The following DLG5 variants were observed in gnomAD, a reference collection of about 807,000 sequenced individuals.
DLG5 encodes the protein discs large MAGUK scaffold protein 5, also known as disks large homolog 5.
In DLG5, 48 loss-of-function variants were observed where a neutral mutation model predicts 189.8. That is an observed-to-expected ratio of 0.25 (90% confidence interval 0.20 to 0.32). The LOEUF is 0.32. DLG5 is among the 10% of genes least tolerant of loss of function. The probability of loss-of-function intolerance (pLI) is 1.00; values close to 1 mark genes in which losing one functional copy is unlikely to be tolerated. For synonymous variants in DLG5, 1,016 were observed against 1,054.1 expected (o/e 0.96, Z 0.70); for missense variants, 2,160 against 2,544.7 (o/e 0.85, Z 3.25).
At chr10:77,804,894 T>C (rs543000836) in intron 27 of DLG5, among the ~76,000 whole-genome samples, 2 of 152,292 alleles carry the variant, frequency 1.3e-5, no homozygotes, top group East Asian at 1.9e-4. Context: ...GCCTACCCAA[T>C]AGCTATCCCT....
intron 29 of DLG5, 143 bp downstream of exon 29, chr10:77,795,918 C>T: frequency 8.0e-7 from 1 of 1,249,368 alleles, no homozygotes; most frequent in Admixed American, 1.9e-5. Context: ...AGCCCAGGCA[C>T]AGGTGAACTC....
chr10:77,925,404 G>A (rs1846654399), intron 1 of DLG5, among the ~76,000 whole-genome samples: 1 of 152,150 alleles, frequency 6.6e-6, no homozygotes. Context: ...TCCACGGCCA[G>A]GCCAGGACAA....
At position 77,812,333 on chromosome 10, in the gene DLG5, G is replaced by A; in HGVS notation, c.4070C>T (p.Ser1357Leu). The A allele has an allele frequency of 6.2e-7, 1 of 1,614,146 alleles. No individual in the cohort carries two copies. The highest frequency in any genetic ancestry group is 8.5e-7 in the Non-Finnish European group (1 of 1,179,996). Residue 1357 changes from serine (S) to leucine (L), a missense_variant, in exon 21 of 32, where the codon TCA becomes TTA. Transcript: ENST00000372391. ...EPRHVKVQKG[S>L]EPLGISIVSG... ...CACGATGGAGATGCCCAGCGGCTCT[G>A]AGCCCTTCTGCACCTTCACGTGGCG...
chr10:77,927,060 C>CGGCCGCCACCCGCTCCCCCGT (rs1846724543), upstream of DLG5: 2 of 220,474 alleles, frequency 9.1e-6, no homozygotes, highest in African/African-American at 4.8e-5. Flanking sequence ...CGGGGCCCCG[C>CGGCCGCCACCCGCTCCCCCGT]GGCCGCCACC....
In DLG5 at chr10:77,835,733, C is replaced by T; in HGVS notation, c.1622+5G>A. On this transcript the variant is annotated splice_donor_5th_base_variant and intron_variant, in intron 8 of 31. Coordinates refer to ENST00000372391, the MANE Select transcript of DLG5 (RefSeq NM_004747.4). ...AGCCCACGCCAGCTTGAGGTCACCC[C>T]ATACCGGATGCTGTCACGCTCTGCT... 5.0e-6 allele frequency: 8 copies of T among 1,607,920 alleles called. No homozygotes were observed. Among genetic ancestry groups the T allele is most frequent in the Non-Finnish European group, 6.8e-6 (8 of 1,178,242 alleles).
intron 1 of DLG5, among the ~76,000 whole-genome samples, chr10:77,925,666 C>T (rs1846663419): frequency 6.6e-6 from 1 of 152,166 alleles, no homozygotes; most frequent in Non-Finnish European, 1.5e-5. Context: ...TCCAAAGAAA[C>T]CCAGGCAGGC....
intron 2 of DLG5, chr10:77,868,425 A>G (rs940287799): frequency 3.4e-6 from 1 of 290,324 alleles, no homozygotes; most frequent in Non-Finnish European, 6.8e-6. Flanking sequence ...GACTAGTTCT[A>G]GAATCTCAGG....
At chr10:77,849,070 C>T (rs1175976018) in intron 5 of DLG5, among the ~76,000 whole-genome samples, 1 of 152,194 alleles carries the variant, frequency 6.6e-6, no homozygotes, top group African/African-American at 2.4e-5. Flanking sequence ...GGATGCCAGG[C>T]AGAGGCCCTC....
the DLG5 span, among the ~76,000 whole-genome samples, chr10:77,933,268 G>T: frequency 1.3e-5 from 2 of 151,452 alleles, no homozygotes; most frequent in African/African-American, 4.8e-5. Flanking sequence ...TTTTTGTTTG[G>T]GTTTTTGTTT....
At chr10:77,908,219 C>T (rs1175351006) in intron 1 of DLG5, among the ~76,000 whole-genome samples, 1 of 152,226 alleles carries the variant, frequency 6.6e-6, no homozygotes, top group Non-Finnish European at 1.5e-5. Flanking sequence ...TTCCAAACAT[C>T]CCCACTGTAA....
chr10:77,814,858 G>A (rs775646098), intron 20 of DLG5, among the ~76,000 whole-genome samples: 1 of 151,960 alleles, frequency 6.6e-6, no homozygotes, highest in African/African-American at 2.4e-5. Context: ...CACAGCACTC[G>A]GCCTTCTTTC....
intron 1 of DLG5, among the ~76,000 whole-genome samples, chr10:77,901,763 C>T (rs1321318760): frequency 6.6e-6 from 1 of 152,200 alleles, no homozygotes; most frequent in Non-Finnish European, 1.5e-5. Context: ...CCTGAGCCAA[C>T]AGCACCCGGC....
intron 1 of DLG5, among the ~76,000 whole-genome samples, chr10:77,875,510 GAGA>G (rs59479695): frequency 0.27 from 41,700 of 151,816 alleles, 6,349 homozygotes; most frequent in Non-Finnish European, 0.35. Flanking sequence ...TGGGAAGAAA[GAGA>G]AGGAGCTGTG....
intron 2 of DLG5, among the ~76,000 whole-genome samples, chr10:77,864,174 G>A (rs920286814): frequency 5.3e-5 from 8 of 152,006 alleles, no homozygotes; most frequent in African/African-American, 1.2e-4. Context: ...CTCAGCCACC[G>A]CCCTTTGTCC....
intron 1 of DLG5, among the ~76,000 whole-genome samples, chr10:77,880,187 C>T (rs1046959878): frequency 6.6e-6 from 1 of 152,142 alleles, no homozygotes; most frequent in Non-Finnish European, 1.5e-5. Flanking sequence ...GGTGCAGTGG[C>T]TCACACCTGT....
the DLG5 span, among the ~76,000 whole-genome samples, chr10:77,934,899 C>G: frequency 6.8e-6 from 1 of 146,136 alleles, no homozygotes; most frequent in Non-Finnish European, 1.5e-5. Context: ...GCTCTGTCGC[C>G]TAGGCTGGAG....
At chr10:77,807,225 G>A (rs568751445) in intron 25 of DLG5, among the ~76,000 whole-genome samples, 6 of 151,928 alleles carry the variant, frequency 3.9e-5, no homozygotes, top group Non-Finnish European at 7.4e-5. Context: ...CTCCCTCCTC[G>A]AAGCCCAGGC....
rs183275036 is a variant in DLG5 at position 77,842,978 on chromosome 10, C to T, written c.1124+469G>A. Among the ~76,000 whole-genome samples, 13 of 152,308 alleles carry T rather than the reference C, an allele frequency of 8.5e-5. No homozygotes were observed. The East Asian group carries it at 2.5e-3, about 29-fold the overall frequency. On this transcript the variant is annotated intron_variant, in intron 6 of 31. Coordinates refer to ENST00000372391, the MANE Select transcript of DLG5 (RefSeq NM_004747.4). Reference sequence around the variant, plus strand: ...GAGAACTGGTGATTCACAGGCACATCCTCTACAAAACACTGTTTGAGGGCA... The same window carrying T: ...GAGAACTGGTGATTCACAGGCACATTCTCTACAAAACACTGTTTGAGGGCA...
At chr10:77,920,794 G>A (rs574030153) in intron 1 of DLG5, among the ~76,000 whole-genome samples, 2 of 152,270 alleles carry the variant, frequency 1.3e-5, no homozygotes, top group Non-Finnish European at 2.9e-5. Context: ...AGACCCGTGG[G>A]AAAAGCCCAC....
Sources: gnomAD v4.1 joint callset for allele counts (sites outside exome capture counted in the v4.1 genomes callset) on GRCh38, gnomAD v4.1.1 for gene constraint, MANE v1.5 for transcripts, NCBI Gene and HGNC (gene_info 2026-07-23, HGNC 2026-07-21) for gene names.